LYST: variants seen among roughly 807,000 people sequenced by gnomAD.
LYST encodes lysosomal trafficking regulator, also known as lysosomal-trafficking regulator.
In LYST, 192 loss-of-function variants were observed where a neutral mutation model predicts 413.6. The observed-to-expected ratio is 0.46, with a 90% CI of 0.41 to 0.52. The LOEUF is 0.52. Ranked by LOEUF, LYST falls within the 20% of genes least tolerant of loss-of-function variation. The pLI is 0.00. For synonymous variants in LYST, 1,525 were observed against 1,567.3 expected (o/e 0.97, Z 0.64); for missense variants, 3,815 against 4,499.9 (o/e 0.85, Z 4.35).
At chr1:235,840,775 T>A (rs991806197) in intron 1 of LYST, among the ~76,000 whole-genome samples, 1 of 152,308 alleles carries the variant, frequency 6.6e-6, no homozygotes. Context: ...AAAACCAATT[T>A]GGAGACTGGC....
At chr1:235,667,468 A>G (rs147095101) in intron 50 of LYST, among the ~76,000 whole-genome samples, 37 of 152,348 alleles carry the variant, frequency 2.4e-4, no homozygotes, top group Middle Eastern at 6.8e-3. Context: ...AGAAATTATG[A>G]TCAGGAGGAA....
Position 235,787,259 on chromosome 1 carries a change from C to A in LYST, c.4803G>T (p.Gln1601His), listed in dbSNP as rs201035814. 17 of 1,613,698 alleles carry A rather than the reference C, an allele frequency of 1.1e-5. No individual in the cohort carries two copies. Among genetic ancestry groups the A allele is most frequent in the Non-Finnish European group, 1.1e-5 (13 of 1,179,750 alleles). The stretch of plus-strand genomic sequence containing the variant: ...GAATCCTCCTTTTCCCTTGGGGCTG[C>A]TGTAAGTAGGTGAGTACTAAATGTT... ...KWQHLVLTYLQQPQGKRRIHG... is the reference protein window; with the variant it reads ...KWQHLVLTYLHQPQGKRRIHG... Residue 1601 changes from glutamine (Q) to histidine (H), a missense_variant, in exon 14 of 53, where the codon CAG becomes CAT. Transcript: ENST00000389793.
chr1:235,764,059 T>C (rs573453118), intron 21 of LYST, among the ~76,000 whole-genome samples: 1 of 152,280 alleles, frequency 6.6e-6, no homozygotes, highest in Admixed American at 6.5e-5. Flanking sequence ...TTTCATAAAT[T>C]ACATTTCAGC....
intron 42 of LYST, chr1:235,712,744 A>G: frequency 2.0e-6 from 2 of 985,144 alleles, no homozygotes; most frequent in Non-Finnish European, 2.4e-6. Context: ...TCTAACTCTG[A>G]GCTAAAGAAT....
At position 235,801,054 on chromosome 1, in the gene LYST, G is replaced by T; in HGVS notation, c.3756C>A (p.Ser1252Arg). The T allele has an allele frequency of 8.7e-6, 14 of 1,613,090 alleles. No homozygotes were observed. Among genetic ancestry groups the T allele is most frequent in the Non-Finnish European group, 1.2e-5 (14 of 1,179,302 alleles). ...GGTTTTCGAGTAAGTCATTTGGACT[G>T]CTTGATGCACTGAAACCTTCTGTTT... ...KSETEGFSAS[S>R]SPNDLLENLT... Residue 1252 changes from serine to arginine, a missense_variant, in exon 9 of 53, where the codon AGC becomes AGA. By Grantham distance (110) the Ser-to-Arg change is moderately radical (BLOSUM62 -1). This residue lies in a region of LYST where 1,648 missense variants were observed against 1,810.3 expected (regional missense o/e 0.91). Transcript: ENST00000389793.
intron 20 of LYST, among the ~76,000 whole-genome samples, chr1:235,768,428 C>T (rs1463342421): frequency 1.3e-5 from 2 of 151,978 alleles, no homozygotes; most frequent in South Asian, 2.1e-4. Context: ...CAATATACTA[C>T]CAATTTATTA....
In LYST at chr1:235,686,293, G is replaced by T. The variant is rs764943418; in HGVS notation, c.10800+656C>A. The stretch of plus-strand genomic sequence containing the variant: ...GAGGCACGAGAATTGATTGAGCCCG[G>T]GAGGCAGAGGTTGCAGTGAGCTGAG... On this transcript the variant is annotated intron_variant, in intron 48 of 52. Transcript: ENST00000389793. The surrounding 1 kb of genome is among the most constrained non-coding windows in gnomAD (Gnocchi z 4.0). Among the ~76,000 whole-genome samples the T allele has an allele frequency of 1.2e-4, 18 of 152,186 alleles. No individual in the cohort carries two copies. Among genetic ancestry groups the T allele is most frequent in the Non-Finnish European group, 1.5e-4 (10 of 68,046 alleles).
At position 235,817,129 on chromosome 1, in the gene LYST, T is replaced by C. The variant is rs186702723; in HGVS notation, c.193-4068A>G. ...CAAGCATATGAAAAAATGCTCAACA[T>C]CACTACCAATTAGAGAAATGCAAAT... On this transcript the variant is annotated intron_variant, in intron 3 of 52. Coordinates refer to ENST00000389793, the MANE Select transcript of LYST (RefSeq NM_000081.4). Among the ~76,000 whole-genome samples, 140 of 151,290 alleles carry C rather than the reference T, an allele frequency of 9.3e-4. 1 individual carries two copies. Among genetic ancestry groups the C allele is most frequent in the African/African-American group, 3.2e-3 (132 of 41,172 alleles).
rs751688667 is a variant in LYST at position 235,773,856 on chromosome 1, A to G, written c.5770T>C (p.Trp1924Arg). 20 of 1,612,692 alleles carry G rather than the reference A, an allele frequency of 1.2e-5. No homozygotes were observed. Among genetic ancestry groups the G allele is most frequent in the East Asian group, 2.2e-5 (1 of 44,722 alleles). Residue 1924 changes from tryptophan (W) to arginine (R), a missense_variant, in exon 19 of 53, where the codon TGG (tryptophan) becomes CGG (arginine). Physicochemically the swap from Trp to Arg is moderately radical, Grantham distance 101 (BLOSUM62 -3). This residue lies in a region of LYST where 530 missense variants were observed against 696.5 expected (regional missense o/e 0.76). Coordinates refer to ENST00000389793, the MANE Select transcript of LYST (RefSeq NM_000081.4). ...LEELLLDWKI[W>R]SKAEQGVWET... ...ATATTACATGCCTCTGCTTTACTCCATATCTTCCAGTCAAGCAATAGTTCC... is the reference window on the plus strand; with the variant it reads ...ATATTACATGCCTCTGCTTTACTCCGTATCTTCCAGTCAAGCAATAGTTCC...
intron 1 of LYST, among the ~76,000 whole-genome samples, chr1:235,860,467 T>A (rs1679736891): frequency 6.6e-6 from 1 of 152,196 alleles, no homozygotes; most frequent in African/African-American, 2.4e-5. Context: ...CAGAATAGTT[T>A]CACCGCCCTA....
chr1:235,710,863 C>T lies in LYST; in HGVS notation c.9925+1194G>A, dbSNP rs377189556. ...TGCCAAGTAGGACATCCAGGGCTGCCGTGCTGTGGGGAAGCCCAAAACTAG... is the reference window on the plus strand; with the variant it reads ...TGCCAAGTAGGACATCCAGGGCTGCTGTGCTGTGGGGAAGCCCAAAACTAG... On this transcript the variant is annotated intron_variant, in intron 43 of 52. Transcript: ENST00000389793. Among the ~76,000 whole-genome samples, 473 of 152,230 alleles carry T rather than the reference C, an allele frequency of 3.1e-3. 2 individuals carry two copies. Among genetic ancestry groups the T allele is most frequent in the African/African-American group, 0.011 (450 of 41,556 alleles).
intron 13 of LYST, among the ~76,000 whole-genome samples, 164 bp downstream of exon 13, chr1:235,788,537 C>T (rs1670663997): frequency 1.3e-5 from 2 of 152,034 alleles, no homozygotes; most frequent in African/African-American, 4.8e-5. Context: ...GAATAATACA[C>T]TATTATAAAA....
At chr1:235,785,641 C>A (rs1051696476) in intron 14 of LYST, among the ~76,000 whole-genome samples, 1 of 152,178 alleles carries the variant, frequency 6.6e-6, no homozygotes, top group African/African-American at 2.4e-5. Flanking sequence ...TTGATTAAAT[C>A]TAGACTTCTC....
intron 47 of LYST, among the ~76,000 whole-genome samples, chr1:235,689,695 T>C (rs1660506537): frequency 6.6e-6 from 1 of 152,244 alleles, no homozygotes; most frequent in East Asian, 1.9e-4. Context: ...AGGTGACGAA[T>C]GTGTTAATTA....
intron 1 of LYST, among the ~76,000 whole-genome samples, chr1:235,853,294 G>A (rs1321660628): frequency 6.6e-6 from 1 of 152,104 alleles, no homozygotes; most frequent in Non-Finnish European, 1.5e-5. Flanking sequence ...TTTCAGCATC[G>A]GAGGGTTAAG....
intron 1 of LYST, among the ~76,000 whole-genome samples, chr1:235,846,921 A>C (rs1677951971): frequency 6.6e-6 from 1 of 152,162 alleles, no homozygotes; most frequent in Admixed American, 6.5e-5. Context: ...TTCCTGAGGA[A>C]GAAGAGAATT....
At chr1:235,796,974 A>G (rs1347533192) in intron 10 of LYST, among the ~76,000 whole-genome samples, 1 of 152,226 alleles carries the variant, frequency 6.6e-6, no homozygotes, top group Non-Finnish European at 1.5e-5. Context: ...AAGGCATATA[A>G]TAACAAGTGT....
intron 31 of LYST, chr1:235,738,388 C>T (rs1300271943): frequency 1.9e-6 from 3 of 1,613,222 alleles, no homozygotes; most frequent in African/African-American, 1.3e-5. Context: ...ACAGCCCGAA[C>T]TGCAAGTTGC....
At chr1:235,861,729 C>T (rs1213815600) in intron 1 of LYST, among the ~76,000 whole-genome samples, 2 of 152,110 alleles carry the variant, frequency 1.3e-5, no homozygotes, top group Non-Finnish European at 2.9e-5. Flanking sequence ...CAGGCTCAAG[C>T]GATCCTCCCA....
Sources: allele counts gnomAD v4.1 joint callset (sites outside exome capture counted in the v4.1 genomes callset), GRCh38; gene constraint gnomAD v4.1.1; regional missense constraint gnomAD v4.1.1; non-coding constraint Gnocchi (gnomAD v3.1); transcripts MANE v1.5; gene names NCBI Gene and HGNC (gene_info 2026-07-23, HGNC 2026-07-21).